Variants in HORMAD2 observed in about 807,000 individuals in gnomAD.
The protein encoded by HORMAD2 is HORMA domain containing 2, also known as HORMA domain-containing protein 2.
A neutral mutation model predicts 38.8 loss-of-function variants in HORMAD2; 45 were observed. The observed-to-expected ratio is 1.16, with a 90% CI of 0.91 to 1.49. The LOEUF (loss-of-function observed/expected upper bound fraction) is 1.49. HORMAD2 is among the 40% of genes most tolerant of loss of function. The pLI is 0.00. For synonymous variants in HORMAD2, 126 were observed against 122.8 expected, an observed-to-expected ratio of 1.03 and a Z score of -0.17; for missense variants, 338 against 367.0, an observed-to-expected ratio of 0.92 and a Z score of 0.65.
intron 10 of HORMAD2, among the ~76,000 whole-genome samples, chr22:30,139,254 CTATATATATATATA>C (rs3067131): frequency 3.5e-4 from 34 of 96,726 alleles, no homozygotes; most frequent in South Asian, 1.4e-3. Flanking sequence ...ATGAACTGTA[CTATATATATATATA>C]TATATATATA....
intron 10 of HORMAD2, among the ~76,000 whole-genome samples, chr22:30,159,226 T>C (rs976643115): frequency 1.3e-5 from 2 of 152,176 alleles, no homozygotes; most frequent in African/African-American, 2.4e-5. Context: ...ATGTACCATA[T>C]GCCCTGCCAT....
intron 1 of HORMAD2, among the ~76,000 whole-genome samples, chr22:30,088,111 A>G (rs2068609266): frequency 6.6e-6 from 1 of 150,820 alleles, no homozygotes; most frequent in African/African-American, 2.4e-5. Flanking sequence ...ACACACGTGT[A>G]CATATACACA....
At chr22:30,078,607 C>CCAA (rs1234942826), upstream of HORMAD2, among the ~76,000 whole-genome samples, 285 of 28,102 alleles carry the variant, frequency 0.01, 24 homozygotes, top group African/African-American at 0.035. Context: ...CTCTGTCTCA[C>CCAA]AAAAAAAAAA....
chr22:30,164,916 A>G (rs2123723481), intron 10 of HORMAD2, among the ~76,000 whole-genome samples: 1 of 152,350 alleles, frequency 6.6e-6, no homozygotes, highest in Non-Finnish European at 1.5e-5. Flanking sequence ...CTTCTTGATA[A>G]TAGCATCCTT....
At chr22:30,154,031 TTA>T (rs1209254747) in intron 10 of HORMAD2, among the ~76,000 whole-genome samples, 2 of 152,196 alleles carry the variant, frequency 1.3e-5, no homozygotes, top group African/African-American at 2.4e-5. Flanking sequence ...ACTTCACTGT[TTA>T]TGGCTTTTAA....
chr22:30,162,318 T>TAC (rs71198531), intron 10 of HORMAD2, among the ~76,000 whole-genome samples: 3,343 of 147,990 alleles, frequency 0.023, 80 homozygotes, highest in African/African-American at 0.065. Context: ...CGTCTCAAAA[T>TAC]ACACACACAC....
At chr22:30,104,364 A>G (rs778504103) in intron 4 of HORMAD2, 37 bp from the exon 5 acceptor site, 13 of 1,583,672 alleles carry the variant, frequency 8.2e-6, no homozygotes, top group South Asian at 4.6e-5. Flanking sequence ...GGATTTGCAT[A>G]TGGTCCAATT....
chr22:30,111,759 A>G, intron 5 of HORMAD2, 37 bp from the exon 6 acceptor site: 1 of 1,458,094 alleles, frequency 6.9e-7, no homozygotes, highest in Non-Finnish European at 9.3e-7. Context: ...AGGTGCAAGT[A>G]TGTAATAATA....
At chr22:30,126,270 G>A (rs1601547204) in intron 10 of HORMAD2, among the ~76,000 whole-genome samples, 1 of 152,038 alleles carries the variant, frequency 6.6e-6, no homozygotes, top group South Asian at 2.1e-4. Flanking sequence ...CTGGGTTCAC[G>A]CCATTCTCCT....
At chr22:30,138,986 C>T (rs1255802928) in intron 10 of HORMAD2, among the ~76,000 whole-genome samples, 1 of 150,702 alleles carries the variant, frequency 6.6e-6, no homozygotes, top group Non-Finnish European at 1.5e-5. Flanking sequence ...GTGTGGATCT[C>T]ATTGAATTTG....
intron 10 of HORMAD2, among the ~76,000 whole-genome samples, chr22:30,154,804 A>G (rs954438585): frequency 6.6e-6 from 1 of 152,182 alleles, no homozygotes; most frequent in Admixed American, 6.5e-5. Flanking sequence ...ATGGTGGATT[A>G]TGCTTGTTAT....
chr22:30,125,946 G>T (rs925597497), intron 10 of HORMAD2, among the ~76,000 whole-genome samples: 5 of 152,034 alleles, frequency 3.3e-5, no homozygotes, highest in Non-Finnish European at 7.4e-5. Flanking sequence ...CTTACATTTT[G>T]CCCCCTGGAC....
chr22:30,138,322 T>C (rs1923814737), intron 10 of HORMAD2, among the ~76,000 whole-genome samples: 1 of 151,386 alleles, frequency 6.6e-6, no homozygotes, highest in Admixed American at 6.6e-5. Context: ...TGCACCGCCA[T>C]GCCTGGGTAA....
chr22:30,160,357 C>T (rs1361462571), intron 10 of HORMAD2, among the ~76,000 whole-genome samples: 3 of 151,986 alleles, frequency 2.0e-5, no homozygotes, highest in Non-Finnish European at 4.4e-5. Context: ...AGCTCACCTC[C>T]GTAAAAGACC....
chr22:30,131,641 T>C (rs1923292761), intron 10 of HORMAD2, among the ~76,000 whole-genome samples: 1 of 152,234 alleles, frequency 6.6e-6, no homozygotes, highest in Admixed American at 6.5e-5. Context: ...CAATAGTTTA[T>C]CATTTGATTT....
In HORMAD2 at chr22:30,104,419, T is replaced by C. The variant is rs770347442; in HGVS notation, c.276T>C (p.Asp92=). ...TTGACAGGATTCAAGGTTGTTTTGATGCTTTGGAAAAGAGATACGTAAGAA... is the reference window on the plus strand; with the variant it reads ...TTGACAGGATTCAAGGTTGTTTTGACGCTTTGGAAAAGAGATACGTAAGAA... ...HIIRWIQGCF[D]ALEKRYLRMA... Residue 92 remains aspartate (D), a synonymous_variant, in exon 5 of 11, where the codon GAT becomes GAC. Transcript: ENST00000336726. The C allele has an allele frequency of 1.2e-6, 2 of 1,611,582 alleles. No individual in the cohort carries two copies. The highest frequency in any genetic ancestry group is 1.1e-5 in the South Asian group (1 of 90,608).
intron 10 of HORMAD2, among the ~76,000 whole-genome samples, chr22:30,132,526 G>A (rs1469488268): frequency 6.7e-6 from 1 of 149,130 alleles, no homozygotes; most frequent in East Asian, 1.9e-4. Context: ...GGAGACAGAG[G>A]GAGACTCCGT....
intron 10 of HORMAD2, among the ~76,000 whole-genome samples, chr22:30,135,113 A>AT (rs1923566248): frequency 9.2e-6 from 1 of 108,822 alleles, no homozygotes; most frequent in Non-Finnish European, 2.1e-5. Context: ...CTGTTAAATC[A>AT]TATATTCACC....
the HORMAD2 span, among the ~76,000 whole-genome samples, chr22:30,197,427 C>T: frequency 6.6e-6 from 1 of 152,112 alleles, no homozygotes; most frequent in African/African-American, 2.4e-5. Context: ...AGAACCATGA[C>T]CCTACCCTCT....
Sources: allele counts gnomAD v4.1 joint callset (sites outside exome capture counted in the v4.1 genomes callset), GRCh38; gene constraint gnomAD v4.1.1; transcripts MANE v1.5; gene names NCBI Gene and HGNC (gene_info 2026-07-23, HGNC 2026-07-21).